TSNARE1: variants seen among roughly 807,000 people sequenced by gnomAD.
The protein encoded by TSNARE1 is t-SNARE domain-containing protein 1.
In TSNARE1, 49 loss-of-function variants were observed where a neutral mutation model predicts 62.0. The observed-to-expected ratio is 0.79, with a 90% CI of 0.63 to 1.00. The LOEUF (loss-of-function observed/expected upper bound fraction) is 1.00. TSNARE1 is among the 50% of genes least tolerant of loss of function. The probability of loss-of-function intolerance (pLI) is 0.00; values close to 1 mark genes in which losing one functional copy is unlikely to be tolerated. For missense variants in TSNARE1, 755 were observed against 700.1 expected, an observed-to-expected ratio of 1.08 and a Z score of -0.88; for synonymous variants, 328 against 294.4, an observed-to-expected ratio of 1.11 and a Z score of -1.17.
intron 1 of TSNARE1, among the ~76,000 whole-genome samples, chr8:142,367,399 A>G (rs1034389335): frequency 3.3e-5 from 5 of 152,170 alleles, no homozygotes; most frequent in African/African-American, 9.7e-5. Context: ...GGATCCTGAA[A>G]GCACCGTGCT....
rs1816245775 is a variant in TSNARE1, at chr8:142,221,785, TCATCCACTCATTCACTCACTCATC to T, written c.*11+7664_*11+7687del. ...CTCACTCACTCACTCATTCACTCACTCATCCACTCATTCACTCACTCATCCACTCACTCATTCACTCACTCACTC... is the reference window on the plus strand; with the variant it reads ...CTCACTCACTCACTCATTCACTCACTCACTCACTCATTCACTCACTCACTC... On this transcript the variant is annotated intron_variant, in intron 13 of 13. Transcript: ENST00000524325. Among the ~76,000 whole-genome samples, 26 of 137,462 alleles carry T rather than the reference TCATCCACTCATTCACTCACTCATC, an allele frequency of 1.9e-4. 1 individual carries two copies. The highest frequency in any genetic ancestry group is 1.8e-3 in the East Asian group (8 of 4,434). The allele number at this position is 137,462 out of a possible 152,430, so 90.2% of individuals were successfully genotyped here.
At chr8:142,218,276 GGGTCAGGGCTCAGGGTGTGGC>G (rs1355596279) in intron 13 of TSNARE1, among the ~76,000 whole-genome samples, 1 of 151,642 alleles carries the variant, frequency 6.6e-6, no homozygotes, top group African/African-American at 2.4e-5. Context: ...GGTGTGGCCA[GGGTCAGGGCTCAGGGTGTGGC>G]CAGGGTCAGG....
intron 12 of TSNARE1, among the ~76,000 whole-genome samples, chr8:142,242,317 G>A (rs1375146353): frequency 6.6e-6 from 1 of 152,148 alleles, no homozygotes; most frequent in African/African-American, 2.4e-5. Context: ...ACTACTAGAA[G>A]AAAACATAGG....
chr8:142,244,252 T>C (rs553439388), intron 12 of TSNARE1, among the ~76,000 whole-genome samples: 1 of 152,292 alleles, frequency 6.6e-6, no homozygotes, highest in South Asian at 2.1e-4. Flanking sequence ...TTAGGCAAAT[T>C]ATTAGAGATA....
chr8:142,315,136 TGCCCCAGCA>T, intron 7 of TSNARE1, 44 bp from the exon 8 acceptor site: 1 of 1,603,926 alleles, frequency 6.2e-7, no homozygotes, highest in South Asian at 1.1e-5. Flanking sequence ...GGCTTGGCCC[TGCCCCAGCA>T]GCCCCCACCA....
At chr8:142,322,695 A>G (rs1197255320) in intron 6 of TSNARE1, among the ~76,000 whole-genome samples, 1 of 152,096 alleles carries the variant, frequency 6.6e-6, no homozygotes, top group East Asian at 1.9e-4. Context: ...TGACATTGTT[A>G]TGGAAGTCCA....
chr8:142,285,984 T>C (rs1755115872), intron 10 of TSNARE1, among the ~76,000 whole-genome samples: 1 of 152,142 alleles, frequency 6.6e-6, no homozygotes, highest in Admixed American at 6.5e-5. Context: ...GGGGCTCAAG[T>C]GGTCCCATGA....
intron 1 of TSNARE1, among the ~76,000 whole-genome samples, chr8:142,394,490 A>C (rs1837761649): frequency 6.6e-6 from 1 of 152,142 alleles, no homozygotes; most frequent in African/African-American, 2.4e-5. Flanking sequence ...CAGCAGGTCT[A>C]AGACTAGAAC....
intron 4 of TSNARE1, 42 bp from the exon 5 acceptor site, chr8:142,331,873 T>G (rs1471877634): frequency 1.3e-6 from 2 of 1,557,088 alleles, no homozygotes; most frequent in Admixed American, 3.6e-5. Context: ...AGGCTAAGGG[T>G]GAAGCCTGCA....
At chr8:142,215,896 C>T (rs1364431632) in intron 13 of TSNARE1, among the ~76,000 whole-genome samples, 1 of 152,240 alleles carries the variant, frequency 6.6e-6, no homozygotes, top group Non-Finnish European at 1.5e-5. Context: ...TCCGCCTGCA[C>T]CCCAGGCTGG....
chr8:142,269,670 T>C lies in TSNARE1; in HGVS notation c.1446+5111A>G, dbSNP rs377419474. The C allele has an allele frequency of 1.0e-5, 10 of 985,140 alleles. No individual in the cohort carries two copies. In the African/African-American group the frequency reaches 1.6e-4, roughly 16 times the overall value. The allele number at this position is 985,140 out of a possible 1,614,324, so 61.0% of individuals were successfully genotyped here. On this transcript the variant is annotated intron_variant, in intron 12 of 13. Coordinates refer to ENST00000524325, the MANE Select transcript of TSNARE1 (RefSeq NM_145003.5). ...AATGGACAAGAACCCAGAATGAAGA[T>C]CTACAGAGGCTTCCTGGAGGTGGTG... is the stretch of plus-strand genomic sequence containing the variant.
intron 13 of TSNARE1, among the ~76,000 whole-genome samples, chr8:142,227,344 ATC>A (rs1816875224): frequency 2.5e-5 from 2 of 80,418 alleles, no homozygotes; most frequent in African/African-American, 2.1e-4. Flanking sequence ...CAGGACCCCC[ATC>A]CTGCCCATAG....
At chr8:142,298,137 G>A (rs1825078131) in intron 10 of TSNARE1, among the ~76,000 whole-genome samples, 1 of 152,226 alleles carries the variant, frequency 6.6e-6, no homozygotes, top group Non-Finnish European at 1.5e-5. Context: ...CTAGATGCAA[G>A]CCCAGGCCCG....
At chr8:142,377,254 A>ATC (rs1836409716) in intron 1 of TSNARE1, among the ~76,000 whole-genome samples, 3 of 152,314 alleles carry the variant, frequency 2.0e-5, no homozygotes, top group Admixed American at 1.3e-4. Context: ...ATCACTTACA[A>ATC]ATCAAAAGTA....
intron 1 of TSNARE1, among the ~76,000 whole-genome samples, chr8:142,359,321 C>T (rs542142596): frequency 1.4e-4 from 22 of 152,294 alleles, no homozygotes; most frequent in African/African-American, 3.8e-4. Flanking sequence ...GGAGGCTGCA[C>T]GCCCGCTGGA....
intron 4 of TSNARE1, among the ~76,000 whole-genome samples, chr8:142,334,557 C>A (rs1430940899): frequency 6.6e-6 from 1 of 152,058 alleles, no homozygotes; most frequent in Non-Finnish European, 1.5e-5. Context: ...CCAAAAGTAC[C>A]CAAATTTTAT....
intron 1 of TSNARE1, among the ~76,000 whole-genome samples, chr8:142,357,431 C>G (rs1050285631): frequency 1.3e-5 from 2 of 152,192 alleles, no homozygotes; most frequent in Non-Finnish European, 2.9e-5. Flanking sequence ...GCCAGCCAGG[C>G]CTGACACAAG....
chr8:142,312,490 C>A (rs1425721644), intron 9 of TSNARE1, among the ~76,000 whole-genome samples: 1 of 152,108 alleles, frequency 6.6e-6, no homozygotes, highest in African/African-American at 2.4e-5. Flanking sequence ...CAGGGCTGGT[C>A]TACTTCTGGT....
chr8:142,254,457 T>C (rs1252832798), intron 12 of TSNARE1, among the ~76,000 whole-genome samples: 1 of 152,166 alleles, frequency 6.6e-6, no homozygotes, highest in African/African-American at 2.4e-5. Context: ...GCTTCCTGAG[T>C]TCCCAGAAAG....
Sources: allele counts gnomAD v4.1 joint callset (sites outside exome capture counted in the v4.1 genomes callset), GRCh38; gene constraint gnomAD v4.1.1; transcripts MANE v1.5; gene names NCBI Gene and HGNC (gene_info 2026-07-23, HGNC 2026-07-21).